Variants in DLG1 observed in about 807,000 individuals in gnomAD.
DLG1 encodes discs large MAGUK scaffold protein 1.
In DLG1, 42 loss-of-function variants were observed where a neutral mutation model predicts 123.4. The observed-to-expected ratio is 0.34, with a 90% CI of 0.27 to 0.44. DLG1 has a LOEUF of 0.44. Among genes scored for constraint, DLG1 ranks in the 20% least tolerant of loss-of-function variants. The probability of loss-of-function intolerance (pLI) is 1.00; values close to 1 mark genes in which losing one functional copy is unlikely to be tolerated. For synonymous variants in DLG1, 317 were observed against 356.2 expected, an observed-to-expected ratio of 0.89 and a Z score of 1.24; for missense variants, 942 against 1,082.6, an observed-to-expected ratio of 0.87 and a Z score of 1.82.
At chr3:197,274,469 T>C (rs1486259854) in intron 4 of DLG1, among the ~76,000 whole-genome samples, 1 of 151,846 alleles carries the variant, frequency 6.6e-6, no homozygotes. Context: ...ATTAAAGACT[T>C]AAATCTAAGA....
intron 5 of DLG1, among the ~76,000 whole-genome samples, chr3:197,186,632 A>AT (rs1716188600): frequency 6.6e-6 from 1 of 152,274 alleles, no homozygotes; most frequent in Non-Finnish European, 1.5e-5. Context: ...TTAAATGGTA[A>AT]TAAAAAGTTA....
rs573809668 is a variant in DLG1, at chr3:197,230,723, G to T, written c.319-36134C>A. Among the ~76,000 whole-genome samples, 3 of 152,148 alleles carry T rather than the reference G, an allele frequency of 2.0e-5. No individual in the cohort carries two copies. In the South Asian group the frequency reaches 6.2e-4, roughly 32 times the overall value. On this transcript the variant is annotated intron_variant, in intron 4 of 24. Transcript: ENST00000667157. ...ATAAATATTTGAGTTTCATACCAAAGATAGTAATAGCATCTTTATGTAAAC... is the reference window on the plus strand; with the variant it reads ...ATAAATATTTGAGTTTCATACCAAATATAGTAATAGCATCTTTATGTAAAC...
intron 4 of DLG1, among the ~76,000 whole-genome samples, chr3:197,213,792 C>A (rs934354200): frequency 4.6e-5 from 7 of 152,094 alleles, no homozygotes; most frequent in Non-Finnish European, 8.8e-5. Flanking sequence ...AGAAAATAAT[C>A]TATAATAATG....
At chr3:197,094,938 A>C (rs1759796921) in intron 14 of DLG1, among the ~76,000 whole-genome samples, 1 of 152,100 alleles carries the variant, frequency 6.6e-6, no homozygotes, top group South Asian at 2.1e-4. Flanking sequence ...TAATCATTTT[A>C]TTATGGCATT....
At chr3:197,124,542 G>A (rs989074694) in intron 11 of DLG1, among the ~76,000 whole-genome samples, 1 of 152,096 alleles carries the variant, frequency 6.6e-6, no homozygotes, top group Non-Finnish European at 1.5e-5. Context: ...ACAAAGTGCT[G>A]GGATTACAGG....
chr3:197,103,815 TC>T (rs1764866147), intron 14 of DLG1, among the ~76,000 whole-genome samples: 2 of 151,726 alleles, frequency 1.3e-5, no homozygotes, highest in Non-Finnish European at 2.9e-5. Flanking sequence ...CTCATTTAGC[TC>T]CTTTACTCAC....
chr3:197,275,849 A>G (rs1766164954), intron 4 of DLG1, among the ~76,000 whole-genome samples: 1 of 152,250 alleles, frequency 6.6e-6, no homozygotes, highest in African/African-American at 2.4e-5. Context: ...AATTTATTGT[A>G]TATTTCAAAA....
chr3:197,088,704 G>A (rs370714546), intron 15 of DLG1, among the ~76,000 whole-genome samples: 1 of 152,210 alleles, frequency 6.6e-6, no homozygotes, highest in African/African-American at 2.4e-5. Flanking sequence ...CTATCAGACC[G>A]TATGTGTGAC....
intron 4 of DLG1, among the ~76,000 whole-genome samples, chr3:197,235,173 G>A (rs1745319400): frequency 6.6e-6 from 1 of 152,120 alleles, no homozygotes; most frequent in Non-Finnish European, 1.5e-5. Flanking sequence ...CCTGCCTGGA[G>A]GCCATTTTTT....
chr3:197,296,452 C>G lies in DLG1; in HGVS notation c.45G>C (p.Leu15Phe). ...KQDTQRALHL[L>F]EEYRSKLSQT... ...GGCTTAGTTTTGAACGATATTCCTC[C>G]AAAAGGTGCAATGCTCTCTGGGTAT... Residue 15 changes from leucine to phenylalanine, a missense_variant, in exon 3 of 25, where the codon TTG becomes TTC. Leu to Phe is a conservative substitution (Grantham distance 22). Coordinates refer to ENST00000667157, the MANE Select transcript of DLG1 (RefSeq NM_001366207.1). 1 of 1,613,612 alleles carries G rather than the reference C, an allele frequency of 6.2e-7. No individual in the cohort carries two copies. Among genetic ancestry groups the G allele is most frequent in the Non-Finnish European group, 8.5e-7 (1 of 1,179,706 alleles).
At chr3:197,259,849 C>CA (rs1758571321) in intron 4 of DLG1, among the ~76,000 whole-genome samples, 1 of 152,008 alleles carries the variant, frequency 6.6e-6, no homozygotes, top group Admixed American at 6.6e-5. Context: ...CCTAAAAAAA[C>CA]AAAAAATTAA....
In DLG1 at chr3:197,297,221, G is replaced by T. The variant is rs758584565; in HGVS notation, c.-17C>A. The T allele has an allele frequency of 2.5e-6, 4 of 1,613,984 alleles. No individual in the cohort carries two copies. Among genetic ancestry groups the T allele is most frequent in the African/African-American group, 1.3e-5 (1 of 74,920 alleles). ...GACCGGCATTTTTCTCCAGAATCAG[G>T]AAGAGGGCACACACCTTTAAAACAC... On this transcript the variant is annotated 5_prime_UTR_variant, in exon 2 of 25. Coordinates refer to ENST00000667157, the MANE Select transcript of DLG1 (RefSeq NM_001366207.1).
chr3:197,081,607 A>C (rs1751172830), intron 16 of DLG1, among the ~76,000 whole-genome samples: 1 of 152,210 alleles, frequency 6.6e-6, no homozygotes, highest in African/African-American at 2.4e-5. Flanking sequence ...TTTAACAAAA[A>C]GGTGGAATAT....
At chr3:197,254,789 T>G (rs549590928) in intron 4 of DLG1, among the ~76,000 whole-genome samples, 2 of 152,294 alleles carry the variant, frequency 1.3e-5, no homozygotes, top group South Asian at 4.1e-4. Context: ...TGGTGGCTCA[T>G]GCCTGTAATC....
intron 4 of DLG1, among the ~76,000 whole-genome samples, chr3:197,202,907 C>G (rs532957646): frequency 6.6e-6 from 1 of 151,650 alleles, no homozygotes; most frequent in African/African-American, 2.4e-5. Context: ...ACGATGCAGT[C>G]TAACCACTGT....
chr3:197,254,993 T>C (rs1420916325), intron 4 of DLG1, among the ~76,000 whole-genome samples: 3 of 151,788 alleles, frequency 2.0e-5, no homozygotes, highest in African/African-American at 4.8e-5. Context: ...AAGGTGGAGG[T>C]TGCAGTGAGC....
chr3:197,173,307 T>C (rs1379724570), intron 5 of DLG1, among the ~76,000 whole-genome samples: 3 of 152,218 alleles, frequency 2.0e-5, no homozygotes, highest in African/African-American at 4.8e-5. Context: ...ATAAAGATGA[T>C]GATGACCTCA....
At chr3:197,107,662 T>C (rs552570456) in intron 13 of DLG1, among the ~76,000 whole-genome samples, 41 of 152,290 alleles carry the variant, frequency 2.7e-4, no homozygotes, top group African/African-American at 9.6e-4. Flanking sequence ...TATAAATCAA[T>C]GTTTTCTTTG....
chr3:197,229,586 ATT>A (rs1201064014), intron 4 of DLG1, among the ~76,000 whole-genome samples: 2 of 152,110 alleles, frequency 1.3e-5, no homozygotes, highest in African/African-American at 2.4e-5. Flanking sequence ...CTCGTTGGAT[ATT>A]AATCAGTTTC....
Sources: gnomAD v4.1 joint callset for allele counts (sites outside exome capture counted in the v4.1 genomes callset) on GRCh38, gnomAD v4.1.1 for gene constraint, MANE v1.5 for transcripts, NCBI Gene and HGNC (gene_info 2026-07-23, HGNC 2026-07-21) for gene names.